LRBA: variants seen among roughly 807,000 people sequenced by gnomAD.
LRBA encodes the protein lipopolysaccharide-responsive and beige-like anchor protein.
In LRBA, 176 loss-of-function variants were observed where a neutral mutation model predicts 330.0. The ratio of observed to expected loss-of-function variants is 0.53; its 90% confidence interval spans 0.47 to 0.60. The LOEUF (loss-of-function observed/expected upper bound fraction) is 0.60. Among genes scored for constraint, LRBA ranks in the 20% least tolerant of loss-of-function variants. The pLI is 0.00. For synonymous variants in LRBA, 1,230 were observed against 1,193.0 expected (o/e 1.03, Z -0.64); for missense variants, 3,259 against 3,444.8 (o/e 0.95, Z 1.35).
At chr4:150,677,787 G>A (rs923945195) in intron 37 of LRBA, among the ~76,000 whole-genome samples, 4 of 146,554 alleles carry the variant, frequency 2.7e-5, no homozygotes, top group Non-Finnish European at 6.0e-5. Context: ...TAGGTAACAC[G>A]ACAAGATCCC....
rs549956513 is a variant in LRBA, at chr4:150,526,350, C to T, written c.6331-35315G>A. ...GACTTTGAAGGTTACATCCCTTAAC[C>T]TCCATTTCCAAACCTATGTTTCCTT... On this transcript the variant is annotated intron_variant, in intron 40 of 56. Coordinates refer to ENST00000651943, the MANE Select transcript of LRBA (RefSeq NM_001364905.1). 9.2e-5 allele frequency among the ~76,000 whole-genome samples: 14 copies of T among 152,312 alleles called. No homozygotes were observed. The South Asian group carries it at 2.7e-3, about 29-fold the overall frequency.
intron 33 of LRBA, among the ~76,000 whole-genome samples, chr4:150,800,792 T>C (rs1274045469): frequency 2.0e-5 from 3 of 152,312 alleles, no homozygotes; most frequent in South Asian, 2.1e-4. Flanking sequence ...AGGGTTTGGT[T>C]TGATTATTTT....
intron 2 of LRBA, among the ~76,000 whole-genome samples, chr4:150,935,010 G>GAAAA (rs35609336): frequency 7.6e-6 from 1 of 131,366 alleles, no homozygotes; most frequent in Non-Finnish European, 1.6e-5. Flanking sequence ...CTCCATCTCA[G>GAAAA]AAAAAAAAAA....
intron 42 of LRBA, among the ~76,000 whole-genome samples, chr4:150,486,601 G>A (rs77113951): frequency 0.015 from 2,201 of 151,738 alleles, 53 homozygotes; most frequent in African/African-American, 0.05. Flanking sequence ...TATACATCAC[G>A]AAATAGCTAA....
At chr4:150,604,416 G>A (rs1180134402) in intron 37 of LRBA, among the ~76,000 whole-genome samples, 3 of 138,228 alleles carry the variant, frequency 2.2e-5, no homozygotes, top group Admixed American at 1.5e-4. Flanking sequence ...AAAAAAAAAA[G>A]GAATTATAAA....
At chr4:150,660,417 TG>T (rs1780895327) in intron 37 of LRBA, among the ~76,000 whole-genome samples, 1 of 123,128 alleles carries the variant, frequency 8.1e-6, no homozygotes, top group Non-Finnish European at 1.8e-5. Context: ...TCTGCCCGGC[TG>T]CCCCTACTGG....
intron 43 of LRBA, among the ~76,000 whole-genome samples, chr4:150,470,451 CT>C (rs1234444904): frequency 6.6e-6 from 1 of 152,094 alleles, no homozygotes; most frequent in African/African-American, 2.4e-5. Flanking sequence ...TATCTCACTG[CT>C]TTCTGTATTA....
chr4:150,918,726 G>C (rs1732922752), intron 5 of LRBA, among the ~76,000 whole-genome samples: 1 of 152,200 alleles, frequency 6.6e-6, no homozygotes. Flanking sequence ...TCCAGCCTGG[G>C]TGACAGAGCA....
At chr4:150,918,109 T>G (rs148823936) in intron 5 of LRBA, among the ~76,000 whole-genome samples, 1 of 152,056 alleles carries the variant, frequency 6.6e-6, no homozygotes, top group Non-Finnish European at 1.5e-5. Context: ...GAAAAAAATA[T>G]ATACATTGGA....
chr4:150,996,450 T>C (rs1742653422), intron 2 of LRBA, among the ~76,000 whole-genome samples: 1 of 152,026 alleles, frequency 6.6e-6, no homozygotes, highest in Non-Finnish European at 1.5e-5. Context: ...CAACTAGAGG[T>C]ATAATCAATC....
intron 37 of LRBA, among the ~76,000 whole-genome samples, chr4:150,665,525 T>G (rs1346090659): frequency 6.6e-6 from 1 of 152,066 alleles, no homozygotes; most frequent in Non-Finnish European, 1.5e-5. Context: ...AACAGCTCCA[T>G]CATGCCAAGA....
chr4:150,834,198 A>C (rs1747642243), intron 28 of LRBA, among the ~76,000 whole-genome samples: 2 of 152,216 alleles, frequency 1.3e-5, no homozygotes, highest in South Asian at 4.1e-4. Flanking sequence ...TAACATTGAT[A>C]TGTTGATTTC....
Position 150,914,344 on chromosome 4 carries a change from G to GA in LRBA, c.1015-4_1015-3insT. 1 of 1,422,014 alleles carries GA rather than the reference G, an allele frequency of 7.0e-7. No individual in the cohort carries two copies. Among genetic ancestry groups the GA allele is most frequent in the Non-Finnish European group, 9.3e-7 (1 of 1,075,430 alleles). 88.1% of individuals were successfully genotyped at this position (1,422,014 alleles called of 1,614,324 possible). A position where few individuals can be genotyped will look rare whatever the true frequency, so the allele number is the denominator to read the frequency against. ...CCCAGGAAACATTTGTCAAAGGTCT[G>GA]TAAAAGAAAAAAAAAAAGGAATTAG... is the stretch of plus-strand genomic sequence containing the variant. On this transcript the variant is annotated splice_polypyrimidine_tract_variant and splice_region_variant and intron_variant, in intron 8 of 56. Coordinates refer to ENST00000651943, the MANE Select transcript of LRBA (RefSeq NM_001364905.1).
chr4:150,945,684 T>C (rs1355024426), intron 2 of LRBA, among the ~76,000 whole-genome samples: 1 of 152,188 alleles, frequency 6.6e-6, no homozygotes, highest in African/African-American at 2.4e-5. Flanking sequence ...GTCAGTAATA[T>C]AGATAAGGCA....
intron 37 of LRBA, among the ~76,000 whole-genome samples, chr4:150,626,450 T>C (rs1259129272): frequency 6.6e-6 from 1 of 152,206 alleles, no homozygotes; most frequent in African/African-American, 2.4e-5. Context: ...ACAACATTAA[T>C]TCCTATGAAA....
intron 2 of LRBA, among the ~76,000 whole-genome samples, chr4:151,008,998 T>C (rs375153457): frequency 1.3e-4 from 2 of 15,994 alleles, no homozygotes; most frequent in African/African-American, 2.3e-4. Flanking sequence ...AATATATATA[T>C]ATATATATAT....
At chr4:150,591,647 A>G (rs1772850506) in intron 38 of LRBA, among the ~76,000 whole-genome samples, 1 of 152,156 alleles carries the variant, frequency 6.6e-6, no homozygotes, top group African/African-American at 2.4e-5. Flanking sequence ...GATGAGAGGC[A>G]TGTGGGCAAG....
chr4:150,833,396 A>T (rs1002517594), intron 28 of LRBA, among the ~76,000 whole-genome samples: 3 of 152,076 alleles, frequency 2.0e-5, no homozygotes, highest in Non-Finnish European at 4.4e-5. Flanking sequence ...TTAAAATAAG[A>T]ACATGAAGAA....
intron 37 of LRBA, among the ~76,000 whole-genome samples, chr4:150,646,299 T>C (rs1018090155): frequency 5.9e-5 from 9 of 152,096 alleles, no homozygotes; most frequent in Admixed American, 4.6e-4. Flanking sequence ...ATAACAGTTA[T>C]TGCCATGAAC....
Sources: allele counts gnomAD v4.1 joint callset (sites outside exome capture counted in the v4.1 genomes callset), GRCh38; gene constraint gnomAD v4.1.1; transcripts MANE v1.5; gene names NCBI Gene and HGNC (gene_info 2026-07-23, HGNC 2026-07-21).